Variants in FMNL1 observed in about 807,000 individuals in gnomAD.
FMNL1 encodes the protein formin-like protein 1.
FMNL1 carries 43 observed loss-of-function variants against 121.3 expected under a neutral mutation model. The observed-to-expected ratio is 0.35, with a 90% CI of 0.28 to 0.46. The LOEUF (loss-of-function observed/expected upper bound fraction) is 0.46, where lower values mean the gene tolerates loss of function less well. Among genes scored for constraint, FMNL1 ranks in the 20% least tolerant of loss-of-function variants. FMNL1 has a pLI of 1.00. For missense variants in FMNL1, 1,191 were observed against 1,482.4 expected (o/e 0.80, Z 3.23); for synonymous variants, 613 against 613.5 (o/e 1.00, Z 0.01).
Position 45,237,219 on chromosome 17 carries a change from C to T in FMNL1, c.724-62C>T, listed in dbSNP as rs914408808. 1.1e-5 allele frequency: 17 copies of T among 1,504,850 alleles called. No homozygotes were observed. The Middle Eastern group carries it at 8.6e-4, about 76-fold the overall frequency. The allele number at this position is 1,504,850 out of a possible 1,614,324, so 93.2% of individuals were successfully genotyped here. ...CGAGGGCAGTTAAAGATCCACGTGG[C>T]GTGGGTGCCTGAAGTCCTGGGGGGC... is the stretch of plus-strand genomic sequence containing the variant. On this transcript the variant is annotated intron_variant, in intron 7 of 26. Coordinates refer to ENST00000331495, the MANE Select transcript of FMNL1 (RefSeq NM_005892.4). This position sits in a 1 kb window ranked among gnomAD's most constrained non-coding sequence, Gnocchi z 4.4.
intron 23 of FMNL1, 71 bp from the exon 24 acceptor site, chr17:45,245,807 G>T (rs886995531): frequency 1.9e-6 from 3 of 1,605,622 alleles, no homozygotes; most frequent in Non-Finnish European, 2.6e-6. Flanking sequence ...GAGGGGTGGG[G>T]CTGCTTCTGT....
At chr17:45,222,729 A>C (rs2043254579) in intron 1 of FMNL1, among the ~76,000 whole-genome samples, 1 of 151,878 alleles carries the variant, frequency 6.6e-6, no homozygotes, top group Non-Finnish European at 1.5e-5. Context: ...GGCTGCGGGG[A>C]ATGGGGTTGT....
Position 45,242,976 on chromosome 17 carries a change from A to G in FMNL1, c.2011-142A>G. ...CTGTGCTTCCCCTGTGCCTCCCATC[A>G]GGGCCTGTGGTCAGGCTGGGTTACT... On this transcript the variant is annotated intron_variant, in intron 16 of 26. Coordinates refer to ENST00000331495, the MANE Select transcript of FMNL1 (RefSeq NM_005892.4). 1.3e-5 allele frequency: 11 copies of G among 878,646 alleles called. No homozygotes were observed. The South Asian group carries it at 1.8e-4, about 14-fold the overall frequency. The allele number at this position is 878,646 out of a possible 1,614,324, so 54.4% of individuals were successfully genotyped here.
rs983483815 is a variant in FMNL1 at position 45,241,625 on chromosome 17, C to T, written c.1576C>T (p.Pro526Ser). ...GACTCCGGGGGTGCCGACCGGCTCCCCCAGCCCAGGTGCGCAGGAGCTTCA... is the reference window on the plus strand; with the variant it reads ...GACTCCGGGGGTGCCGACCGGCTCCTCCAGCCCAGGTGCGCAGGAGCTTCA... Reference protein sequence around the residue: ...APTPGVPTGSPSPDLAPAAEP... With the variant: ...APTPGVPTGSSSPDLAPAAEP... The change falls in exon 14 of 27, where the codon CCC (proline) becomes TCC (serine). Residue 526 changes from proline to serine, a missense_variant. Pro to Ser is a moderately conservative substitution (Grantham distance 74). Transcript: ENST00000331495. The surrounding 1 kb of genome is among the most constrained non-coding windows in gnomAD (Gnocchi z 7.0). The T allele has an allele frequency of 2.1e-5, 32 of 1,513,074 alleles. No individual in the cohort carries two copies. The African/African-American group carries it at 4.4e-4, about 21-fold the overall frequency. 93.7% of individuals were successfully genotyped at this position (1,513,074 alleles called of 1,614,324 possible). A position where few individuals can be genotyped will look rare whatever the true frequency, so the allele number is the denominator to read the frequency against.
At position 45,234,052 on chromosome 17, in the gene FMNL1, C is replaced by T. The variant is rs61742620; in HGVS notation, c.486-20C>T. The T allele has an allele frequency of 6.6e-3, 10,593 of 1,612,812 alleles. 114 individuals are homozygous for T. Among genetic ancestry groups the T allele is most frequent in the Middle Eastern group, 0.056 (339 of 6,044 alleles). ...GCCCCTGCAGTGTTGGCCTCCAGCCCCATTGCATCCTGTCCCCAGGTATGA... is the reference window on the plus strand; with the variant it reads ...GCCCCTGCAGTGTTGGCCTCCAGCCTCATTGCATCCTGTCCCCAGGTATGA... On this transcript the variant is annotated intron_variant, in intron 5 of 26. Coordinates refer to ENST00000331495, the MANE Select transcript of FMNL1 (RefSeq NM_005892.4).
Position 45,243,935 on chromosome 17 carries a change from A to G in FMNL1, c.2358A>G (p.Leu786=). The G allele has an allele frequency of 4.3e-6, 7 of 1,613,868 alleles. No individual in the cohort carries two copies. The highest frequency in any genetic ancestry group is 5.9e-6 in the Non-Finnish European group (7 of 1,180,044). The change falls in exon 18 of 27, where the codon CTA becomes CTG. Residue 786 remains leucine (L), a synonymous_variant. Transcript: ENST00000331495. The part of the protein sequence containing the change: ...EELSEEDRFM[L]CFSRIPRLPE... The stretch of plus-strand genomic sequence containing the variant: ...TGTCAGAGGAGGACCGCTTCATGCT[A>G]TGCTTCAGCCGCATCCCGCGCCTGC...
intron 1 of FMNL1, among the ~76,000 whole-genome samples, chr17:45,229,883 C>A (rs2043403388): frequency 6.6e-6 from 1 of 152,140 alleles, no homozygotes; most frequent in Non-Finnish European, 1.5e-5. Flanking sequence ...GCTCTTCTCC[C>A]CAGTGCTGTG....
At chr17:45,230,538 G>A in intron 1 of FMNL1, 66 bp from the exon 2 acceptor site, 1 of 1,507,788 alleles carries the variant, frequency 6.6e-7, no homozygotes, top group Non-Finnish European at 9.2e-7. Context: ...TCCCCCAAAT[G>A]CCCATTCTCC....
chr17:45,235,547 C>T (rs1033213486), intron 6 of FMNL1, among the ~76,000 whole-genome samples: 1 of 152,134 alleles, frequency 6.6e-6, no homozygotes, highest in Admixed American at 6.6e-5. Context: ...TGTGGAAGTC[C>T]CGGTCGGCAG....
rs2043568685 is a variant in FMNL1 at position 45,237,173 on chromosome 17, A to T, written c.724-108A>T. The T allele has an allele frequency of 6.0e-6, 6 of 992,004 alleles. No individual in the cohort carries two copies. Among genetic ancestry groups the T allele is most frequent in the Middle Eastern group, 2.2e-4 (1 of 4,458 alleles). 61.5% of individuals were successfully genotyped at this position (992,004 alleles called of 1,614,324 possible). ...TGGTGGCCACAGAAGTTGCGGTTGGATACAAAGAACTTCCTAAACTCGAGG... is the reference window on the plus strand; with the variant it reads ...TGGTGGCCACAGAAGTTGCGGTTGGTTACAAAGAACTTCCTAAACTCGAGG... On this transcript the variant is annotated intron_variant, in intron 7 of 26. Coordinates refer to ENST00000331495, the MANE Select transcript of FMNL1 (RefSeq NM_005892.4). This position sits in a 1 kb window ranked among gnomAD's most constrained non-coding sequence, Gnocchi z 4.4.
At position 45,231,251 on chromosome 17, in the gene FMNL1, A is replaced by G. The variant is rs113726335; in HGVS notation, c.213+564A>G. ...CCAGCTTCAAGGGCTGCGGTCGGCCATGGGCCGACCCTCTCCCAGCGCTGG... is the reference window on the plus strand; with the variant it reads ...CCAGCTTCAAGGGCTGCGGTCGGCCGTGGGCCGACCCTCTCCCAGCGCTGG... On this transcript the variant is annotated intron_variant, in intron 2 of 26. Coordinates refer to ENST00000331495, the MANE Select transcript of FMNL1 (RefSeq NM_005892.4). This position sits in a 1 kb window ranked among gnomAD's most constrained non-coding sequence, Gnocchi z 4.7. Among the ~76,000 whole-genome samples, 1 of 151,970 alleles carries G rather than the reference A, an allele frequency of 6.6e-6. No individual in the cohort carries two copies. Among genetic ancestry groups the G allele is most frequent in the African/African-American group, 2.4e-5 (1 of 41,288 alleles).
chr17:45,229,261 G>A (rs1269828828), intron 1 of FMNL1, among the ~76,000 whole-genome samples: 2 of 152,262 alleles, frequency 1.3e-5, no homozygotes, highest in African/African-American at 4.8e-5. Flanking sequence ...TGGCCGGAAA[G>A]CTTAGGCAAT....
rs753790306 is a variant in FMNL1, at chr17:45,242,462, G to A, written c.2007G>A (p.Leu669=). ...VFTELNDEKV[L]QELDMSDFEE... is the part of the protein sequence containing the mutation. ...CAGAGCTCAATGATGAGAAGGTGCT[G>A]CAGGTGAGTGGCCCTGCCTGGCTCC... Residue 669 remains leucine, a synonymous_variant, in exon 16 of 27, where the codon CTG becomes CTA. Transcript: ENST00000331495. 2 of 1,613,414 alleles carry A rather than the reference G, an allele frequency of 1.2e-6. No individual in the cohort carries two copies. Among genetic ancestry groups the A allele is most frequent in the Admixed American group, 3.3e-5 (2 of 60,006 alleles).
At chr17:45,242,304 C>A in intron 15 of FMNL1, 37 bp from the exon 16 acceptor site, 13 of 1,609,470 alleles carry the variant, frequency 8.1e-6, no homozygotes, top group Non-Finnish European at 1.1e-5. Context: ...CAGTAGTACC[C>A]CCAGTGCTCA....
chr17:45,222,302 G>A, intron 1 of FMNL1, 49 bp downstream of exon 1: 1 of 1,147,340 alleles, frequency 8.7e-7, no homozygotes. Context: ...GGCGGCAGGG[G>A]CGCGGCAGGG....
intron 1 of FMNL1, among the ~76,000 whole-genome samples, chr17:45,225,439 A>C (rs1372255646): frequency 6.6e-6 from 1 of 152,210 alleles, no homozygotes; most frequent in Non-Finnish European, 1.5e-5. Context: ...CATTTGCAGG[A>C]CAGAGGATCT....
Position 45,233,698 on chromosome 17 carries a change from T to C in FMNL1, c.452T>C (p.Leu151Pro). ...NEENRGLDVL[L>P]EYLAFAQCSV... The stretch of plus-strand genomic sequence containing the variant: ...GAGAACCGTGGCCTGGATGTGCTGC[T>C]CGAGTACCTGGCCTTTGCCCAGTGC... Residue 151 changes from leucine (L) to proline (P), a missense_variant, in exon 5 of 27, where the codon CTC becomes CCC. Leu to Pro is a moderately conservative substitution (Grantham distance 98). Coordinates refer to ENST00000331495, the MANE Select transcript of FMNL1 (RefSeq NM_005892.4). This position sits in a 1 kb window ranked among gnomAD's most constrained non-coding sequence, Gnocchi z 4.1. 6.2e-7 allele frequency: 1 copy of C among 1,614,084 alleles called. No homozygotes were observed. The highest frequency in any genetic ancestry group is 8.5e-7 in the Non-Finnish European group (1 of 1,179,980).
chr17:45,238,405 T>C, intron 9 of FMNL1, 159 bp from the exon 10 acceptor site: 1 of 637,974 alleles, frequency 1.6e-6, no homozygotes, highest in Non-Finnish European at 2.7e-6. Context: ...TGAGGGAGAG[T>C]GGGAGATTGA....
rs9889614 is a variant in FMNL1 at position 45,228,034 on chromosome 17, G to C, written c.130-2570G>C. ...CTTGAGCACTGTCAGCCAACTCTCC[G>C]TGTGTCCCCCAGCCCCCCATCCCAT... On this transcript the variant is annotated intron_variant, in intron 1 of 26. Transcript: ENST00000331495. Among the ~76,000 whole-genome samples the C allele has an allele frequency of 1.3e-3, 199 of 151,890 alleles. 1 individual carries two copies. The highest frequency in any genetic ancestry group is 4.5e-3 in the African/African-American group (188 of 41,400).
Sources: allele counts gnomAD v4.1 joint callset (sites outside exome capture counted in the v4.1 genomes callset), GRCh38; gene constraint gnomAD v4.1.1; non-coding constraint Gnocchi (gnomAD v3.1); transcripts MANE v1.5; gene names NCBI Gene and HGNC (gene_info 2026-07-23, HGNC 2026-07-21).